FBXO42: variants seen among roughly 807,000 people sequenced by gnomAD.
FBXO42 encodes F-box protein 42, also known as F-box only protein 42.
Under a neutral mutation model 71.7 loss-of-function variants are expected in FBXO42, and 12 were observed. That is an observed-to-expected ratio of 0.17 (90% CI 0.11 to 0.27). The LOEUF is 0.27. Ranked by LOEUF, FBXO42 falls within the 10% of genes least tolerant of loss-of-function variation. FBXO42 has a pLI of 1.00. For synonymous variants in FBXO42, 325 were observed against 327.5 expected, an observed-to-expected ratio of 0.99 and a Z score of 0.08; for missense variants, 707 against 911.9, an observed-to-expected ratio of 0.78 and a Z score of 2.89.
At chr1:16,272,358 C>T (rs1383374731) in intron 4 of FBXO42, among the ~76,000 whole-genome samples, 1 of 151,748 alleles carries the variant, frequency 6.6e-6, no homozygotes, top group African/African-American at 2.4e-5. Context: ...CTCCCGGGTT[C>T]AAGCGATTCT....
At chr1:16,269,751 C>T (rs1278802753) in intron 4 of FBXO42, among the ~76,000 whole-genome samples, 1 of 150,260 alleles carries the variant, frequency 6.7e-6, no homozygotes, top group Non-Finnish European at 1.5e-5. Context: ...TCTCAAACTC[C>T]CAATCTCAGG....
intron 1 of FBXO42, among the ~76,000 whole-genome samples, chr1:16,326,134 C>T (rs187368597): frequency 1.3e-5 from 2 of 151,270 alleles, no homozygotes; most frequent in African/African-American, 4.8e-5. Context: ...CGGCTCACTG[C>T]AACCTCCACC....
chr1:16,289,049 T>C (rs2082051337), intron 4 of FBXO42, among the ~76,000 whole-genome samples: 1 of 152,078 alleles, frequency 6.6e-6, no homozygotes, highest in Admixed American at 6.6e-5. Context: ...TAGTCTGGTT[T>C]ACTTTCTTGC....
At chr1:16,270,690 A>AAG (rs1160935719) in intron 4 of FBXO42, among the ~76,000 whole-genome samples, 1 of 31,650 alleles carries the variant, frequency 3.2e-5, no homozygotes, top group Non-Finnish European at 5.6e-5. Context: ...AAAAAAAAAA[A>AAG]AAAAAAGAAA....
At chr1:16,275,659 A>G (rs2081892294) in intron 4 of FBXO42, among the ~76,000 whole-genome samples, 1 of 152,144 alleles carries the variant, frequency 6.6e-6, no homozygotes, top group South Asian at 2.1e-4. Flanking sequence ...ATAAAAAGCC[A>G]TAGTTCAAGA....
At chr1:16,298,192 C>T (rs1380742433) in intron 3 of FBXO42, among the ~76,000 whole-genome samples, 2 of 152,168 alleles carry the variant, frequency 1.3e-5, no homozygotes, top group Non-Finnish European at 2.9e-5. Context: ...CGCCACTGCA[C>T]CCCAGCCTGG....
intron 4 of FBXO42, among the ~76,000 whole-genome samples, chr1:16,273,486 G>C (rs937447345): frequency 6.6e-6 from 1 of 151,992 alleles, no homozygotes; most frequent in South Asian, 2.1e-4. Context: ...AGTAGGAAAT[G>C]AGTGCATATA....
At chr1:16,320,110 A>T (rs2082399670) in intron 1 of FBXO42, among the ~76,000 whole-genome samples, 1 of 151,974 alleles carries the variant, frequency 6.6e-6, no homozygotes. Context: ...GTGTAATCCC[A>T]GCACTCTGGA....
At chr1:16,328,074 G>C (rs1347210782) in intron 1 of FBXO42, among the ~76,000 whole-genome samples, 1 of 152,120 alleles carries the variant, frequency 6.6e-6, no homozygotes, top group African/African-American at 2.4e-5. Flanking sequence ...GCCACTGTGA[G>C]AAATTCCAAG....
chr1:16,287,854 C>T (rs1383699083), intron 4 of FBXO42, among the ~76,000 whole-genome samples: 1 of 151,966 alleles, frequency 6.6e-6, no homozygotes, highest in East Asian at 1.9e-4. Context: ...GAAGCCGGGG[C>T]GGGTGGATCG....
Position 16,251,979 on chromosome 1 carries a change from A to G in FBXO42, c.1039-194T>C, listed in dbSNP as rs1479470390. Reference sequence around the variant, plus strand: ...GAACAATCGCTGCTTTGTGTGACATATGCTATCATTAGAGATATGTATACA... The same window carrying G: ...GAACAATCGCTGCTTTGTGTGACATGTGCTATCATTAGAGATATGTATACA... On this transcript the variant is annotated intron_variant, in intron 9 of 9. Coordinates refer to ENST00000375592, the MANE Select transcript of FBXO42 (RefSeq NM_018994.3). This position sits in a 1 kb window ranked among gnomAD's most constrained non-coding sequence, Gnocchi z 4.5. Among the ~76,000 whole-genome samples the G allele has an allele frequency of 6.6e-6, 1 of 152,198 alleles. No individual in the cohort carries two copies. Among genetic ancestry groups the G allele is most frequent in the East Asian group, 1.9e-4 (1 of 5,202 alleles).
chr1:16,330,824 C>T (rs554243561), intron 1 of FBXO42, among the ~76,000 whole-genome samples: 2 of 152,094 alleles, frequency 1.3e-5, no homozygotes, highest in Admixed American at 6.6e-5. Context: ...CACCTGTAAT[C>T]CCAGCTACTC....
At chr1:16,311,502 AAATATATATAT>A (rs1438170577) in intron 2 of FBXO42, among the ~76,000 whole-genome samples, 9 of 68,650 alleles carry the variant, frequency 1.3e-4, no homozygotes, top group Non-Finnish European at 1.9e-4. Flanking sequence ...AAAAAAAAAA[AAATATATATAT>A]ATATATATAT....
intron 7 of FBXO42, 70 bp downstream of exon 7, chr1:16,253,565 T>A: frequency 7.0e-7 from 1 of 1,425,330 alleles, no homozygotes; most frequent in Non-Finnish European, 9.8e-7. Flanking sequence ...CCTGACTCCC[T>A]CCTCCCTCTC....
intron 1 of FBXO42, among the ~76,000 whole-genome samples, chr1:16,320,175 C>T (rs1357058957): frequency 1.3e-5 from 2 of 151,756 alleles, no homozygotes; most frequent in Non-Finnish European, 2.9e-5. Context: ...GCCTGGCTAA[C>T]ATGGTGAAAC....
At chr1:16,331,625 G>A (rs181415887) in intron 1 of FBXO42, among the ~76,000 whole-genome samples, 47 of 150,464 alleles carry the variant, frequency 3.1e-4, no homozygotes, top group African/African-American at 1.1e-3. Context: ...CCTGGTGGTG[G>A]GCACCTATAA....
chr1:16,253,226 T>C lies in FBXO42; in HGVS notation c.865-74A>G, dbSNP rs112952082. 2,301 of 1,341,280 alleles carry C rather than the reference T, an allele frequency of 1.7e-3. 21 individuals carry two copies. The African/African-American group carries it at 0.029, about 17-fold the overall frequency. The allele number at this position is 1,341,280 out of a possible 1,614,324, so 83.1% of individuals were successfully genotyped here. A position where few individuals can be genotyped will look rare whatever the true frequency, so the allele number is the denominator to read the frequency against. On this transcript the variant is annotated intron_variant, in intron 7 of 9. Transcript: ENST00000375592. ...TGACTTTCTATGCTTCACTGGTATA[T>C]GAGAATAGCCTACCTAGCTCCCAAA... is the stretch of plus-strand genomic sequence containing the variant.
chr1:16,253,860 G>A, intron 6 of FBXO42, 129 bp from the exon 7 acceptor site: 3 of 752,974 alleles, frequency 4.0e-6, no homozygotes, highest in Non-Finnish European at 2.2e-6. Context: ...CAGACTGTGT[G>A]GGCTGGAGCA....
At chr1:16,346,542 G>A (rs2082655868) in intron 1 of FBXO42, among the ~76,000 whole-genome samples, 1 of 151,646 alleles carries the variant, frequency 6.6e-6, no homozygotes, top group African/African-American at 2.4e-5. Flanking sequence ...CAAAAAATTA[G>A]CTGGGCGTGG....
Sources: gnomAD v4.1 joint callset for allele counts (sites outside exome capture counted in the v4.1 genomes callset) on GRCh38, gnomAD v4.1.1 for gene constraint, Gnocchi (gnomAD v3.1) non-coding constraint, MANE v1.5 for transcripts, NCBI Gene and HGNC (gene_info 2026-07-23, HGNC 2026-07-21) for gene names.